Variants in IL1RAPL2 observed in about 807,000 individuals in gnomAD.
IL1RAPL2 encodes interleukin 1 receptor accessory protein like 2, also known as X-linked interleukin-1 receptor accessory protein-like 2.
IL1RAPL2 carries 3 observed loss-of-function variants against 44.1 expected under a neutral mutation model. The ratio of observed to expected loss-of-function variants is 0.07; its 90% CI spans 0.03 to 0.18. The LOEUF (loss-of-function observed/expected upper bound fraction) is 0.18. Among genes scored for constraint, IL1RAPL2 ranks in the 10% least tolerant of loss-of-function variants. The pLI, the probability that IL1RAPL2 is intolerant of heterozygous loss-of-function variation, is 1.00. For synonymous variants in IL1RAPL2, 181 were observed against 178.8 expected (o/e 1.01, Z -0.10); for missense variants, 391 against 496.4 (o/e 0.79, Z 2.02).
At chrX:104,979,897 C>T (rs1235925941) in intron 2 of IL1RAPL2, among the ~76,000 whole-genome samples, 1 of 111,586 alleles carries the variant, frequency 9.0e-6, no homozygotes, top group Admixed American at 9.5e-5. Context: ...AGGGATGCTG[C>T]CAAACATTCT....
rs141886584 is a variant in IL1RAPL2 at position 105,100,929 on chromosome X, C to A, written c.83-94546C>A. ...CTAGAAGAATGGCTGAATGCCAATT[C>A]CACTTTCCTTAAATGTGCATTGAAA... is the stretch of plus-strand genomic sequence containing the variant. On this transcript the variant is annotated intron_variant, in intron 2 of 10. Transcript: ENST00000372582. Among the ~76,000 whole-genome samples the A allele has an allele frequency of 3.3e-3, 373 of 112,552 alleles. 2 individuals carry two copies. The highest frequency in any genetic ancestry group is 0.011 in the African/African-American group (348 of 31,015).
chrX:105,339,008 C>G (rs2035050642), intron 5 of IL1RAPL2, among the ~76,000 whole-genome samples: 1 of 111,564 alleles, frequency 9.0e-6, no homozygotes, highest in Non-Finnish European at 1.9e-5. Context: ...GAGGCTGAGG[C>G]AAGAGAATCA....
intron 1 of IL1RAPL2, among the ~76,000 whole-genome samples, chrX:104,627,041 T>C (rs1929521131): frequency 9.2e-6 from 1 of 109,192 alleles, no homozygotes; most frequent in Non-Finnish European, 1.9e-5. Flanking sequence ...ATGGTCTCCA[T>C]CTCCTGACCT....
At chrX:104,726,791 A>G in intron 2 of IL1RAPL2, among the ~76,000 whole-genome samples, 1 of 110,514 alleles carries the variant, frequency 9.0e-6, no homozygotes, top group African/African-American at 3.3e-5. Flanking sequence ...TACCATTACC[A>G]TGCTGTTTTG....
At chrX:105,167,268 A>G (rs766370651) in intron 2 of IL1RAPL2, among the ~76,000 whole-genome samples, 14 of 112,481 alleles carry the variant, frequency 1.2e-4, no homozygotes, top group Non-Finnish European at 2.6e-4. Context: ...TTATCATTTT[A>G]TGACCAACAA....
chrX:105,542,151 A>G (rs1431300539), intron 6 of IL1RAPL2, among the ~76,000 whole-genome samples: 1 of 111,792 alleles, frequency 8.9e-6, no homozygotes, highest in Non-Finnish European at 1.9e-5. Flanking sequence ...ATGCTTTTCC[A>G]CCTGCTCAAG....
At chrX:105,425,499 T>C (rs1200224769) in intron 5 of IL1RAPL2, among the ~76,000 whole-genome samples, 1 of 106,115 alleles carries the variant, frequency 9.4e-6, no homozygotes, top group Non-Finnish European at 1.9e-5. Flanking sequence ...TTTTTTTTTT[T>C]CCTGAAGTCA....
intron 2 of IL1RAPL2, among the ~76,000 whole-genome samples, chrX:104,681,085 C>A (rs1369390587): frequency 9.0e-6 from 1 of 111,465 alleles, no homozygotes; most frequent in African/African-American, 3.3e-5. Context: ...CAGATGTATC[C>A]AATTCAATTT....
chrX:105,620,859 A>C (rs1202916662), intron 6 of IL1RAPL2, among the ~76,000 whole-genome samples: 1 of 111,659 alleles, frequency 9.0e-6, no homozygotes, highest in Non-Finnish European at 1.9e-5. Flanking sequence ...TTAAATAAGC[A>C]ATGGTAAAAA....
rs1163935612 is a variant in IL1RAPL2 at position 104,672,948 on chromosome X, G to GT, written c.82+13960dup. ...CGCCCACTTTTTGATAGGATTGTTT[G>GT]TTTTTTTCTTGTAAATTTGTTTGAG... On this transcript the variant is annotated intron_variant, in intron 2 of 10. Coordinates refer to ENST00000372582, the MANE Select transcript of IL1RAPL2 (RefSeq NM_017416.2). Among the ~76,000 whole-genome samples the GT allele has an allele frequency of 3.9e-3, 430 of 111,448 alleles. 5 individuals carry two copies. Among genetic ancestry groups the GT allele is most frequent in the African/African-American group, 0.013 (412 of 30,641 alleles).
intron 5 of IL1RAPL2, among the ~76,000 whole-genome samples, chrX:105,443,354 C>G (rs2035933604): frequency 9.0e-6 from 1 of 111,181 alleles, no homozygotes; most frequent in African/African-American, 3.3e-5. Context: ...ACAAACAATC[C>G]AGTTATACTT....
intron 2 of IL1RAPL2, among the ~76,000 whole-genome samples, chrX:105,070,288 C>A (rs2032189637): frequency 8.9e-6 from 1 of 111,890 alleles, no homozygotes; most frequent in Non-Finnish European, 1.9e-5. Context: ...TCCCCCAACC[C>A]TTCAGGCTTC....
chrX:105,136,285 A>G (rs1431241940), intron 2 of IL1RAPL2, among the ~76,000 whole-genome samples: 1 of 112,101 alleles, frequency 8.9e-6, no homozygotes, highest in African/African-American at 3.2e-5. Context: ...TCCAACTGCT[A>G]TTATAAGACC....
At chrX:105,330,210 G>C (rs993781570) in intron 5 of IL1RAPL2, among the ~76,000 whole-genome samples, 3 of 111,485 alleles carry the variant, frequency 2.7e-5, no homozygotes, top group Non-Finnish European at 5.7e-5. Flanking sequence ...TCTCCACACA[G>C]AACTTGTTGG....
chrX:105,101,223 G>T (rs949033369), intron 2 of IL1RAPL2, among the ~76,000 whole-genome samples: 1 of 111,996 alleles, frequency 8.9e-6, no homozygotes, highest in East Asian at 2.8e-4. Context: ...CAGAAGATTA[G>T]GTTTTAAATT....
At chrX:104,719,031 T>G (rs1453748212) in intron 2 of IL1RAPL2, among the ~76,000 whole-genome samples, 1 of 111,972 alleles carries the variant, frequency 8.9e-6, no homozygotes, top group Non-Finnish European at 1.9e-5. Context: ...GAGACTCCCT[T>G]GTGAATAAGA....
At chrX:105,128,454 A>T (rs770352616) in intron 2 of IL1RAPL2, among the ~76,000 whole-genome samples, 15 of 111,340 alleles carry the variant, frequency 1.3e-4, no homozygotes, top group Non-Finnish European at 2.7e-4. Flanking sequence ...TTTGTTTTAC[A>T]CAAGTGAAAT....
chrX:104,582,670 T>C (rs865950337), intron 1 of IL1RAPL2, among the ~76,000 whole-genome samples: 11 of 81,286 alleles, frequency 1.4e-4, no homozygotes, highest in Non-Finnish European at 2.0e-4. Context: ...TTTTTCTTTT[T>C]TCTTTCTCTT....
intron 5 of IL1RAPL2, among the ~76,000 whole-genome samples, chrX:105,399,427 C>A (rs147628444): frequency 9.0e-6 from 1 of 110,606 alleles, no homozygotes; most frequent in East Asian, 2.8e-4. Context: ...TCTTAGAGGT[C>A]GCTTCCTTAA....
Sources: allele counts gnomAD v4.1 joint callset (sites outside exome capture counted in the v4.1 genomes callset), GRCh38; gene constraint gnomAD v4.1.1; transcripts MANE v1.5; gene names NCBI Gene and HGNC (gene_info 2026-07-23, HGNC 2026-07-21).